Variants in DHX9 observed in about 807,000 individuals in gnomAD.
The protein encoded by DHX9 is ATP-dependent RNA helicase A.
A neutral mutation model predicts 148.7 loss-of-function variants in DHX9; 27 were observed. The observed-to-expected ratio is 0.18, with a 90% CI of 0.13 to 0.25. The LOEUF is 0.25. Among genes scored for constraint, DHX9 ranks in the 10% least tolerant of loss-of-function variants. The pLI, the probability that DHX9 is intolerant of heterozygous loss-of-function variation, is 1.00. For missense variants in DHX9, 796 were observed against 1,559.6 expected (o/e 0.51, Z 8.25); for synonymous variants, 529 against 516.6 (o/e 1.02, Z -0.33).
chr1:182,861,639 CATAA>C (rs1209022463), intron 12 of DHX9, among the ~76,000 whole-genome samples: 10 of 152,308 alleles, frequency 6.6e-5, no homozygotes, highest in African/African-American at 2.4e-4. Context: ...GTCTGCATGT[CATAA>C]ATAGAGTAAA....
intron 4 of DHX9, among the ~76,000 whole-genome samples, chr1:182,852,713 C>A (rs373728921): frequency 6.6e-6 from 1 of 152,322 alleles, no homozygotes; most frequent in East Asian, 1.9e-4. Flanking sequence ...GAATGACTTA[C>A]AGTAGGTCCT....
In DHX9 at chr1:182,843,460, A is replaced by G. The variant is rs372987794; in HGVS notation, c.252+26A>G. The G allele has an allele frequency of 5.8e-6, 9 of 1,546,094 alleles. No homozygotes were observed. In the Admixed American group the frequency reaches 8.6e-5, roughly 15 times the overall value. On this transcript the variant is annotated intron_variant, in intron 3 of 27. Transcript: ENST00000367549. ...GTAAGTACCTATGGCGAAGCACTTG[A>G]GATGTATGTTGTAAAGTTGTACAAA...
chr1:182,875,830 C>T (rs966238430), intron 16 of DHX9, among the ~76,000 whole-genome samples: 1 of 152,060 alleles, frequency 6.6e-6, no homozygotes, highest in African/African-American at 2.4e-5. Flanking sequence ...GAATTTTAGT[C>T]CTATCCTGTG....
At chr1:182,886,157 ATTTAT>A (rs906718105) in intron 27 of DHX9, among the ~76,000 whole-genome samples, 3 of 150,686 alleles carry the variant, frequency 2.0e-5, no homozygotes, top group African/African-American at 7.4e-5. Context: ...GATTACAGTC[ATTTAT>A]TTTTATTTTT....
chr1:182,877,527 G>A (rs1648865834), intron 19 of DHX9: 1 of 154,570 alleles, frequency 6.5e-6, no homozygotes, highest in South Asian at 2.0e-4. Context: ...AGCATTCTGT[G>A]CCAATCCCAG....
At position 182,887,449 on chromosome 1, in the gene DHX9, A is replaced by C; in HGVS notation, c.*15A>C. The stretch of plus-strand genomic sequence containing the variant: ...GCGGCTATTAAAACTTGGTTATGTC[A>C]GTTCCTGTGTGTAGACAGTAAGGAA... On this transcript the variant is annotated 3_prime_UTR_variant, in exon 28 of 28. Coordinates refer to ENST00000367549, the MANE Select transcript of DHX9 (RefSeq NM_001357.5). 2 of 1,607,052 alleles carry C rather than the reference A, an allele frequency of 1.2e-6. No homozygotes were observed. Among genetic ancestry groups the C allele is most frequent in the Non-Finnish European group, 8.5e-7 (1 of 1,175,616 alleles).
In DHX9 at chr1:182,853,424, G is replaced by A. The variant is rs1668193101; in HGVS notation, c.477+6G>A. 6.2e-7 allele frequency: 1 copy of A among 1,602,768 alleles called. No homozygotes were observed. Among genetic ancestry groups the A allele is most frequent in the Admixed American group, 1.7e-5 (1 of 59,370 alleles). On this transcript the variant is annotated splice_donor_region_variant and intron_variant, in intron 5 of 27. Transcript: ENST00000367549. ...AAGAACAAGAAGTGCAAGCGGTAAG[G>A]CCAGCACCGTAGGTTACATCTCTGA... is the stretch of plus-strand genomic sequence containing the variant.
chr1:182,860,065 T>C lies in DHX9; in HGVS notation c.1213T>C (p.Ser405Pro), dbSNP rs1440510406. 6.2e-7 allele frequency: 1 copy of C among 1,614,000 alleles called. No homozygotes were observed. Among genetic ancestry groups the C allele is most frequent in the South Asian group, 1.1e-5 (1 of 91,040 alleles). Residue 405 changes from serine to proline, a missense_variant, in exon 12 of 28, where the codon TCA (serine) becomes CCA (proline). Physicochemically the swap from Ser to Pro is moderately conservative, Grantham distance 74 (BLOSUM62 -1). This residue lies in a region of DHX9 where 58 missense variants were observed against 122.8 expected (regional missense o/e 0.47). Coordinates refer to ENST00000367549, the MANE Select transcript of DHX9 (RefSeq NM_001357.5). The part of the protein sequence containing the change: ...SEILEAISQN[S>P]VVIIRGATGC... Reference sequence around the variant, plus strand: ...GATTCTGGAAGCAATCAGCCAAAATTCAGTTGTCATTATTAGAGGGGCTAC... The same window carrying C: ...GATTCTGGAAGCAATCAGCCAAAATCCAGTTGTCATTATTAGAGGGGCTAC...
At chr1:182,846,024 C>G (rs1425027433) in intron 3 of DHX9, among the ~76,000 whole-genome samples, 2 of 152,054 alleles carry the variant, frequency 1.3e-5, no homozygotes, top group Admixed American at 1.3e-4. Flanking sequence ...ACCTTCAGCC[C>G]TTCTCACTTC....
intron 12 of DHX9, among the ~76,000 whole-genome samples, chr1:182,864,592 A>G (rs563257232): frequency 1.3e-5 from 2 of 152,320 alleles, no homozygotes; most frequent in East Asian, 3.9e-4. Context: ...TGTATTTTAA[A>G]TGTTTTTTGT....
At chr1:182,846,304 C>A (rs955949698) in intron 3 of DHX9, among the ~76,000 whole-genome samples, 1 of 149,088 alleles carries the variant, frequency 6.7e-6, no homozygotes, top group African/African-American at 2.5e-5. Context: ...GTGGCATGAT[C>A]TCGGCTCACC....
chr1:182,884,646 C>T lies in DHX9; in HGVS notation c.3294C>T (p.Ala1098=), dbSNP rs555120608. Residue 1098 remains alanine (A), a synonymous_variant, in exon 27 of 28, where the codon GCC becomes GCT. Transcript: ENST00000367549. The part of the protein sequence containing the change: ...IKLQISHEAA[A]CITGLRAAME... ...TGCAAATATCTCATGAAGCTGCTGCCTGTATCACTGGTCTCCGGGCAGCCA... is the reference window on the plus strand; with the variant it reads ...TGCAAATATCTCATGAAGCTGCTGCTTGTATCACTGGTCTCCGGGCAGCCA... 21 of 1,614,170 alleles carry T rather than the reference C, an allele frequency of 1.3e-5. No individual in the cohort carries two copies. The South Asian group carries it at 2.3e-4, about 18-fold the overall frequency.
At chr1:182,840,828 C>G (rs114006931) in intron 1 of DHX9, among the ~76,000 whole-genome samples, 2,693 of 152,156 alleles carry the variant, frequency 0.018, 70 homozygotes, top group African/African-American at 0.056. Flanking sequence ...TCAACTTGTG[C>G]CAGGAGTAAC....
intron 24 of DHX9, among the ~76,000 whole-genome samples, chr1:182,882,645 T>C (rs2102620807): frequency 6.6e-6 from 1 of 152,200 alleles, no homozygotes; most frequent in South Asian, 2.1e-4. Context: ...GTCAGGTGGA[T>C]CACGAGGTCA....
At chr1:182,846,179 GAGATT>G (rs1393247714) in intron 3 of DHX9, among the ~76,000 whole-genome samples, 1 of 151,880 alleles carries the variant, frequency 6.6e-6, no homozygotes, top group East Asian at 1.9e-4. Flanking sequence ...CTCCACTTAG[GAGATT>G]ATAAGGATTT....
chr1:182,848,833 C>T (rs2102591986), intron 3 of DHX9, among the ~76,000 whole-genome samples: 1 of 152,270 alleles, frequency 6.6e-6, no homozygotes, highest in Non-Finnish European at 1.5e-5. Context: ...GAAGGGGAAG[C>T]AGGGATGTCC....
intron 14 of DHX9, among the ~76,000 whole-genome samples, chr1:182,867,290 A>G (rs1292406153): frequency 1.3e-5 from 2 of 152,212 alleles, no homozygotes; most frequent in Non-Finnish European, 2.9e-5. Context: ...AGTAATCAGT[A>G]TTAGCTGGCA....
rs777824420 is a variant in DHX9, at chr1:182,859,154, C to T, written c.1140+37C>T. ...TTATTTAGACAAGTAGTGCTCAGAG[C>T]TTCAGAATGTTCTAGGTATGGGTAA... is the stretch of plus-strand genomic sequence containing the variant. On this transcript the variant is annotated intron_variant, in intron 11 of 27. Coordinates refer to ENST00000367549, the MANE Select transcript of DHX9 (RefSeq NM_001357.5). 1.6e-5 allele frequency: 25 copies of T among 1,577,546 alleles called. No homozygotes were observed. The East Asian group carries it at 4.9e-4, about 31-fold the overall frequency.
intron 23 of DHX9, 26 bp from the exon 24 acceptor site, chr1:182,881,494 T>G: frequency 6.2e-7 from 1 of 1,607,626 alleles, no homozygotes; most frequent in Non-Finnish European, 8.5e-7. Flanking sequence ...TCTTAGAGAA[T>G]GATTTCTCAT....
Sources: allele counts gnomAD v4.1 joint callset (sites outside exome capture counted in the v4.1 genomes callset), GRCh38; gene constraint gnomAD v4.1.1; regional missense constraint gnomAD v4.1.1; transcripts MANE v1.5; gene names NCBI Gene and HGNC (gene_info 2026-07-23, HGNC 2026-07-21).